MYCBP2: variants seen among roughly 807,000 people sequenced by gnomAD.
The protein encoded by MYCBP2 is MYC binding protein 2.
Under a neutral mutation model 525.3 loss-of-function variants are expected in MYCBP2, and 120 were observed. The ratio of observed to expected loss-of-function variants is 0.23; its 90% CI spans 0.20 to 0.27. The LOEUF is 0.27. Ranked by LOEUF, MYCBP2 falls within the 10% of genes least tolerant of loss-of-function variation. The probability of loss-of-function intolerance (pLI) is 1.00; values close to 1 mark genes in which losing one functional copy is unlikely to be tolerated. For synonymous variants in MYCBP2, 1,894 were observed against 1,955.8 expected (o/e 0.97, Z 0.83); for missense variants, 4,149 against 5,657.1 (o/e 0.73, Z 8.55).
At chr13:77,208,386 G>A (rs2063594198) in intron 23 of MYCBP2, among the ~76,000 whole-genome samples, 1 of 152,168 alleles carries the variant, frequency 6.6e-6, no homozygotes, top group Admixed American at 6.5e-5. Flanking sequence ...ACTTCCACAT[G>A]TGTGTAAAAC....
intron 46 of MYCBP2, among the ~76,000 whole-genome samples, chr13:77,154,513 T>C (rs1249694563): frequency 1.3e-5 from 2 of 151,140 alleles, no homozygotes; most frequent in Non-Finnish European, 3.0e-5. Context: ...GATATAAACA[T>C]ACCAGATATC....
chr13:77,267,437 A>T (rs572035464), intron 8 of MYCBP2, among the ~76,000 whole-genome samples: 1 of 151,618 alleles, frequency 6.6e-6, no homozygotes, highest in East Asian at 1.9e-4. Context: ...ATAAAATTAA[A>T]TTAAATTAAA....
chr13:77,061,332 A>G, intron 75 of MYCBP2, 31 bp from the exon 76 acceptor site: 1 of 1,554,448 alleles, frequency 6.4e-7, no homozygotes, highest in South Asian at 1.2e-5. Flanking sequence ...AGGGAAAAAT[A>G]TGCTTATTTA....
intron 1 of MYCBP2, among the ~76,000 whole-genome samples, chr13:77,309,538 G>A (rs1281885967): frequency 2.6e-5 from 4 of 152,126 alleles, no homozygotes; most frequent in Admixed American, 1.3e-4. Flanking sequence ...CCCAAGAATG[G>A]ACTCTTGAGA....
intron 1 of MYCBP2, among the ~76,000 whole-genome samples, chr13:77,308,076 T>C (rs2079692009): frequency 6.6e-6 from 1 of 152,248 alleles, no homozygotes; most frequent in East Asian, 1.9e-4. Flanking sequence ...TTGGAGTTAC[T>C]GAACATCATT....
intron 1 of MYCBP2, among the ~76,000 whole-genome samples, chr13:77,313,290 T>A (rs1386789879): frequency 1.3e-5 from 2 of 151,806 alleles, no homozygotes; most frequent in Non-Finnish European, 2.9e-5. Flanking sequence ...GGATTCCACC[T>A]TAAGAAATTA....
chr13:77,187,769 G>A (rs779930625), intron 30 of MYCBP2, among the ~76,000 whole-genome samples: 4 of 151,826 alleles, frequency 2.6e-5, no homozygotes, highest in East Asian at 1.9e-4. Context: ...TGGGAAGGCC[G>A]GGTGCGGTGG....
In MYCBP2 at chr13:77,050,279, C is replaced by T. The variant is rs188036902; in HGVS notation, c.13921+718G>A. 3.0e-4 allele frequency among the ~76,000 whole-genome samples: 45 copies of T among 152,252 alleles called. No individual in the cohort carries two copies. In the East Asian group the frequency reaches 8.5e-3, roughly 29 times the overall value. On this transcript the variant is annotated intron_variant, in intron 82 of 82. Coordinates refer to ENST00000544440, the MANE Select transcript of MYCBP2 (RefSeq NM_015057.5). ...GGCAGCAGATGGCAGTGTGTGTTTT[C>T]TAGCTTTGACAACACGGTATATTGT...
chr13:77,275,661 G>C (rs901716066), intron 4 of MYCBP2, among the ~76,000 whole-genome samples: 1 of 152,038 alleles, frequency 6.6e-6, no homozygotes, highest in Non-Finnish European at 1.5e-5. Context: ...TGTCCCTAAA[G>C]ATAAATAAAT....
chr13:77,241,598 A>G (rs747382207), intron 17 of MYCBP2, among the ~76,000 whole-genome samples: 1 of 152,180 alleles, frequency 6.6e-6, no homozygotes, highest in Non-Finnish European at 1.5e-5. Context: ...TTTCCCATAT[A>G]CTTATATAAT....
chr13:77,191,623 A>T (rs1456817446), intron 28 of MYCBP2, 56 bp downstream of exon 28: 1 of 1,581,930 alleles, frequency 6.3e-7, no homozygotes, highest in Non-Finnish European at 8.6e-7. Context: ...TTTTCAAAAC[A>T]ATATTCCTCT....
At chr13:77,057,834 C>CTTT (rs11419165) in intron 78 of MYCBP2, among the ~76,000 whole-genome samples, 162 of 121,070 alleles carry the variant, frequency 1.3e-3, no homozygotes, top group African/African-American at 1.9e-3. Flanking sequence ...CAATCAACTG[C>CTTT]TTTTTTTTTT....
At chr13:77,092,330 CT>C (rs2045569627) in intron 59 of MYCBP2, 1 of 152,126 alleles carries the variant, frequency 6.6e-6, no homozygotes, top group Non-Finnish European at 1.5e-5. Flanking sequence ...ACAAGTCACA[CT>C]TATTTTTCCT....
In MYCBP2 at chr13:77,240,029, A is replaced by G. The variant is rs1208351601; in HGVS notation, c.2629+3030T>C. Among the ~76,000 whole-genome samples the G allele has an allele frequency of 2.0e-5, 3 of 152,316 alleles. No individual in the cohort carries two copies. The East Asian group carries it at 5.8e-4, about 29-fold the overall frequency. ...TCACCTGTCAGGAAAAAGCATTGTT[A>G]ATATTTTGGTATTTATCTTTCTTGT... On this transcript the variant is annotated intron_variant, in intron 17 of 82. Transcript: ENST00000544440.
rs2063198437 is a variant in MYCBP2, at chr13:77,205,299, A to T, written c.3800T>A (p.Leu1267His). The change falls in exon 26 of 83, where the codon CTT becomes CAT. Residue 1267 changes from leucine (L) to histidine (H), a missense_variant. Leu to His is a moderately conservative substitution (Grantham distance 99, BLOSUM62 -3). This residue lies in a region of MYCBP2 where 620 missense variants were observed against 795.5 expected (regional missense o/e 0.78). Transcript: ENST00000544440. ...TTCTCCTCTACCTCCAAACAGACCA[A>T]GACCACCAAGTAAAATATCAGTGTC... is the stretch of plus-strand genomic sequence containing the variant. ...SADTDILLGGLGLFGGRGEYT... is the reference protein window; with the variant it reads ...SADTDILLGGHGLFGGRGEYT... The T allele has an allele frequency of 1.9e-6, 3 of 1,613,754 alleles. No individual in the cohort carries two copies. The highest frequency in any genetic ancestry group is 2.5e-6 in the Non-Finnish European group (3 of 1,179,756).
chr13:77,189,695 T>C (rs1042387514), intron 29 of MYCBP2, among the ~76,000 whole-genome samples: 6 of 152,184 alleles, frequency 3.9e-5, no homozygotes, highest in Non-Finnish European at 8.8e-5. Flanking sequence ...AACACAGGCA[T>C]ATGCCTTTAT....
intron 59 of MYCBP2, among the ~76,000 whole-genome samples, chr13:77,091,064 C>T (rs1421944757): frequency 1.3e-5 from 2 of 151,904 alleles, no homozygotes; most frequent in African/African-American, 2.4e-5. Context: ...TTTTGCTCAC[C>T]GTTGGTTCTG....
At position 77,185,080 on chromosome 13, in the gene MYCBP2, A is replaced by G. The variant is rs2060602526; in HGVS notation, c.4719+23T>C. On this transcript the variant is annotated intron_variant, in intron 32 of 82. Coordinates refer to ENST00000544440, the MANE Select transcript of MYCBP2 (RefSeq NM_015057.5). Reference sequence around the variant, plus strand: ...TAAGCAATATATCAGATTTTCAACTAACATTTTACAAACTTAAATTACCTG... The same window carrying G: ...TAAGCAATATATCAGATTTTCAACTGACATTTTACAAACTTAAATTACCTG... 9 of 1,602,998 alleles carry G rather than the reference A, an allele frequency of 5.6e-6. No individual in the cohort carries two copies. The East Asian group carries it at 2.0e-4, about 36-fold the overall frequency.
chr13:77,138,912 C>T (rs1260125916), intron 52 of MYCBP2, among the ~76,000 whole-genome samples: 1 of 152,200 alleles, frequency 6.6e-6, no homozygotes, highest in East Asian at 1.9e-4. Context: ...TAACCACTCT[C>T]ATTTTCTACC....
Sources: gnomAD v4.1 joint callset for allele counts (sites outside exome capture counted in the v4.1 genomes callset) on GRCh38, gnomAD v4.1.1 for gene constraint, gnomAD v4.1.1 regional missense constraint, MANE v1.5 for transcripts, NCBI Gene and HGNC (gene_info 2026-07-23, HGNC 2026-07-21) for gene names.